The following CTNND2 variants were observed in gnomAD, a reference collection of about 807,000 sequenced individuals.
CTNND2 encodes the protein catenin delta-2.
In CTNND2, 22 loss-of-function variants were observed where a neutral mutation model predicts 144.4. The ratio of observed to expected loss-of-function variants is 0.15; its 90% CI spans 0.11 to 0.22. CTNND2 has a LOEUF of 0.22. Ranked by LOEUF, CTNND2 falls within the 10% of genes least tolerant of loss-of-function variation. The pLI, the probability that CTNND2 is intolerant of heterozygous loss-of-function variation, is 1.00. For missense variants in CTNND2, 1,353 were observed against 1,618.8 expected, an observed-to-expected ratio of 0.84 and a Z score of 2.82; for synonymous variants, 751 against 695.6, an observed-to-expected ratio of 1.08 and a Z score of -1.25.
chr5:11,714,774 T>A (rs927930931), intron 2 of CTNND2, among the ~76,000 whole-genome samples: 1 of 151,858 alleles, frequency 6.6e-6, no homozygotes, highest in Non-Finnish European at 1.5e-5. Context: ...CCGGGCATGG[T>A]GGCAGGTGCC....
Position 11,091,048 on chromosome 5 carries a change from T to C in CTNND2, c.2637+7527A>G, listed in dbSNP as rs572387437. ...CTGCTTTGATCTGTGAGTGTATGAG[T>C]TTCATTAAATTTGGGAAATTTTCAG... On this transcript the variant is annotated intron_variant, in intron 15 of 21. Transcript: ENST00000304623. 3.3e-5 allele frequency among the ~76,000 whole-genome samples: 5 copies of C among 152,234 alleles called. No homozygotes were observed. In the South Asian group the frequency reaches 8.3e-4, roughly 25 times the overall value.
At chr5:11,566,795 T>C (rs1777141622) in intron 2 of CTNND2, among the ~76,000 whole-genome samples, 1 of 152,240 alleles carries the variant, frequency 6.6e-6, no homozygotes, top group Admixed American at 6.5e-5. Context: ...TCACCTCTTG[T>C]CAGTCTCACA....
chr5:11,779,005 T>C (rs1292215576), intron 1 of CTNND2, among the ~76,000 whole-genome samples: 2 of 152,216 alleles, frequency 1.3e-5, no homozygotes, highest in Non-Finnish European at 2.9e-5. Context: ...CCTTTAAACA[T>C]ATCTTTAAAA....
intron 2 of CTNND2, among the ~76,000 whole-genome samples, chr5:11,575,433 T>A (rs1736667727): frequency 6.6e-6 from 1 of 152,192 alleles, no homozygotes; most frequent in Admixed American, 6.5e-5. Flanking sequence ...TTCTGTTCAA[T>A]GATCTTTTTC....
intron 10 of CTNND2, among the ~76,000 whole-genome samples, chr5:11,215,147 CT>C (rs1739042050): frequency 1.3e-5 from 2 of 152,136 alleles, no homozygotes; most frequent in African/African-American, 4.8e-5. Context: ...TGCAATATGT[CT>C]GATTGGAACG....
At chr5:11,691,829 T>A (rs933997542) in intron 2 of CTNND2, among the ~76,000 whole-genome samples, 1 of 152,192 alleles carries the variant, frequency 6.6e-6, no homozygotes, top group African/African-American at 2.4e-5. Flanking sequence ...AGTTACAGGC[T>A]GCAGTAAGCT....
chr5:11,614,424 A>C (rs576097124), intron 2 of CTNND2, among the ~76,000 whole-genome samples: 1 of 152,366 alleles, frequency 6.6e-6, no homozygotes, highest in African/African-American at 2.4e-5. Context: ...TGATGCAAAA[A>C]AATGTGAATC....
At chr5:11,653,824 T>C (rs557086435) in intron 2 of CTNND2, among the ~76,000 whole-genome samples, 13 of 152,106 alleles carry the variant, frequency 8.5e-5, no homozygotes, top group East Asian at 1.9e-4. Flanking sequence ...CCAAGATCAA[T>C]GTTAAGGAGC....
chr5:11,608,076 C>T (rs1370636730), intron 2 of CTNND2, among the ~76,000 whole-genome samples: 1 of 151,986 alleles, frequency 6.6e-6, no homozygotes. Flanking sequence ...CAATTTTGAC[C>T]CTCAAGAGAA....
chr5:11,210,977 G>A (rs570422010), intron 10 of CTNND2, among the ~76,000 whole-genome samples: 1 of 152,076 alleles, frequency 6.6e-6, no homozygotes, highest in Non-Finnish European at 1.5e-5. Flanking sequence ...AACTGGAGGC[G>A]GCTTTACTGA....
intron 11 of CTNND2, among the ~76,000 whole-genome samples, chr5:11,193,938 C>T (rs532568597): frequency 1.3e-5 from 2 of 152,282 alleles, no homozygotes. Context: ...GAGATAATAT[C>T]TGTAAACATA....
At chr5:11,822,206 C>A (rs1386761646) in intron 1 of CTNND2, among the ~76,000 whole-genome samples, 2 of 152,166 alleles carry the variant, frequency 1.3e-5, no homozygotes, top group African/African-American at 4.8e-5. Context: ...GAGCAAACTC[C>A]TATCCTGACC....
intron 2 of CTNND2, among the ~76,000 whole-genome samples, chr5:11,675,955 A>G (rs1331535874): frequency 1.3e-5 from 2 of 151,674 alleles, no homozygotes; most frequent in African/African-American, 2.4e-5. Context: ...CCATCAAGTC[A>G]TTTATGTTCT....
chr5:11,675,017 C>T (rs1784100425), intron 2 of CTNND2, among the ~76,000 whole-genome samples: 1 of 152,086 alleles, frequency 6.6e-6, no homozygotes, highest in Non-Finnish European at 1.5e-5. Context: ...ATATTCTTTC[C>T]AATGGGGTTA....
At chr5:10,986,466 G>C (rs1318135989) in intron 20 of CTNND2, among the ~76,000 whole-genome samples, 1 of 152,202 alleles carries the variant, frequency 6.6e-6, no homozygotes, top group Non-Finnish European at 1.5e-5. Flanking sequence ...ACTGCACATT[G>C]AAAGGGTCAG....
chr5:11,034,853 C>CT lies in CTNND2; in HGVS notation c.2789-11875dup, dbSNP rs201756923. ...AGCTAACTACTAGTGGTCTGTTGAT[C>CT]TTTTTTTTGCCTCTTTTTTAAATTT... On this transcript the variant is annotated intron_variant, in intron 16 of 21. Transcript: ENST00000304623. Among the ~76,000 whole-genome samples the CT allele has an allele frequency of 5.4e-3, 813 of 150,824 alleles. 6 individuals are homozygous for CT. Among genetic ancestry groups the CT allele is most frequent in the African/African-American group, 0.015 (611 of 41,074 alleles).
At chr5:11,061,733 A>G (rs1747005011) in intron 16 of CTNND2, among the ~76,000 whole-genome samples, 1 of 151,340 alleles carries the variant, frequency 6.6e-6, no homozygotes, top group Non-Finnish European at 1.5e-5. Context: ...TTTTAGACAA[A>G]GTTTTGTTCT....
At chr5:11,816,301 A>C (rs974441926) in intron 1 of CTNND2, among the ~76,000 whole-genome samples, 2 of 152,068 alleles carry the variant, frequency 1.3e-5, no homozygotes, top group African/African-American at 4.8e-5. Context: ...CTGAGCTTGA[A>C]ACTTTTCAGA....
At chr5:11,646,471 GT>G (rs1782360911) in intron 2 of CTNND2, among the ~76,000 whole-genome samples, 1 of 152,102 alleles carries the variant, frequency 6.6e-6, no homozygotes, top group Non-Finnish European at 1.5e-5. Context: ...TCTCAAGGAT[GT>G]GCCAGTGTAC....
Sources: gnomAD v4.1 joint callset for allele counts (sites outside exome capture counted in the v4.1 genomes callset) on GRCh38, gnomAD v4.1.1 for gene constraint, MANE v1.5 for transcripts, NCBI Gene and HGNC (gene_info 2026-07-23, HGNC 2026-07-21) for gene names.